DMRTB1: variants seen among roughly 807,000 people sequenced by gnomAD.
DMRTB1 encodes the protein DMRT like family B with proline rich C-terminal 1, also known as doublesex- and mab-3-related transcription factor B1.
In DMRTB1, 9 loss-of-function variants were observed where a neutral mutation model predicts 25.2. The ratio of observed to expected loss-of-function variants is 0.36; its 90% confidence interval spans 0.22 to 0.62. DMRTB1 has a LOEUF of 0.62. Ranked by LOEUF, DMRTB1 falls within the 20% of genes least tolerant of loss-of-function variation. The pLI, the probability that DMRTB1 is intolerant of heterozygous loss-of-function variation, is 0.71. For synonymous variants in DMRTB1, 269 were observed against 238.1 expected (o/e 1.13, Z -1.20); for missense variants, 551 against 499.3 (o/e 1.10, Z -0.99).
intron 1 of DMRTB1, among the ~76,000 whole-genome samples, chr1:53,461,077 C>G (rs78219319): frequency 0.051 from 7,718 of 152,262 alleles, 255 homozygotes; most frequent in Non-Finnish European, 0.076. Flanking sequence ...CCCTCAAGGA[C>G]CTTGTCCTTG....
At chr1:53,463,358 G>C (rs568500865) in intron 2 of DMRTB1, among the ~76,000 whole-genome samples, 1 of 152,148 alleles carries the variant, frequency 6.6e-6, no homozygotes, top group Non-Finnish European at 1.5e-5. Context: ...GGCCCTGGAG[G>C]TGGGCAGACC....
chr1:53,462,314 A>C (rs1411809318), intron 2 of DMRTB1, among the ~76,000 whole-genome samples: 3 of 152,122 alleles, frequency 2.0e-5, no homozygotes, highest in Non-Finnish European at 4.4e-5. Flanking sequence ...TATGGCCTTG[A>C]TTACCAGCTC....
chr1:53,464,492 C>T, intron 2 of DMRTB1, 145 bp from the exon 3 acceptor site: 3 of 1,307,010 alleles, frequency 2.3e-6, no homozygotes, highest in South Asian at 1.2e-5. Context: ...TGAATGCCCC[C>T]TTCCAAATGC....
intron 2 of DMRTB1, among the ~76,000 whole-genome samples, chr1:53,462,644 G>T (rs537975731): frequency 5.3e-5 from 8 of 152,326 alleles, no homozygotes; most frequent in Admixed American, 3.3e-4. Context: ...AGAAAAAAAG[G>T]CTCAGAGAAG....
At chr1:53,460,765 T>A (rs1252310855) in intron 1 of DMRTB1, among the ~76,000 whole-genome samples, 1 of 152,140 alleles carries the variant, frequency 6.6e-6, no homozygotes, top group Non-Finnish European at 1.5e-5. Context: ...TCCTGGTGTC[T>A]CCCCCGTGGT....
At chr1:53,462,743 A>G (rs1324828326) in intron 2 of DMRTB1, among the ~76,000 whole-genome samples, 1 of 152,180 alleles carries the variant, frequency 6.6e-6, no homozygotes, top group Non-Finnish European at 1.5e-5. Context: ...CGGGTCGTGC[A>G]CCTCAGTCGC....
chr1:53,464,604 C>T (rs1391776983), intron 2 of DMRTB1, 33 bp from the exon 3 acceptor site: 1 of 1,612,102 alleles, frequency 6.2e-7, no homozygotes, highest in Admixed American at 1.7e-5. Context: ...AACTCTCTCT[C>T]CTCTCCGCCT....
At chr1:53,464,559 G>C in intron 2 of DMRTB1, 78 bp from the exon 3 acceptor site, 1 of 1,608,622 alleles carries the variant, frequency 6.2e-7, no homozygotes, top group Non-Finnish European at 8.5e-7. Flanking sequence ...CCCCACTTCA[G>C]GGGTGAGAGC....
intron 2 of DMRTB1, among the ~76,000 whole-genome samples, chr1:53,461,870 C>T (rs1184055340): frequency 6.6e-6 from 1 of 152,212 alleles, no homozygotes; most frequent in African/African-American, 2.4e-5. Context: ...ATGGCCTGTG[C>T]TTTTCAGGGC....
Position 53,461,719 on chromosome 1 carries a change from C to T in DMRTB1, c.750+74C>T, listed in dbSNP as rs1644024093. The T allele has an allele frequency of 2.7e-6, 4 of 1,468,016 alleles. No individual in the cohort carries two copies. In the South Asian group the frequency reaches 4.2e-5, roughly 15 times the overall value. 90.9% of individuals were successfully genotyped at this position (1,468,016 alleles called of 1,614,324 possible). On this transcript the variant is annotated intron_variant, in intron 2 of 3. Coordinates refer to ENST00000371445, the MANE Select transcript of DMRTB1 (RefSeq NM_033067.3). ...CCTGCTGCCTTGATGGATCCTCAGT[C>T]CCAGGAAGCCAGCTGTCATAAACTG...
Position 53,459,957 on chromosome 1 carries a change from C to T in DMRTB1, c.504C>T (p.Gly168=), listed in dbSNP as rs561891092. 440 of 1,575,728 alleles carry T rather than the reference C, an allele frequency of 2.8e-4. 1 individual carries two copies. The East Asian group carries it at 8.5e-3, about 30-fold the overall frequency. The part of the protein sequence containing the change: ...AGPPFGAEAA[G]SGYPGPLDLR... ...CCCCTTTTGGGGCGGAGGCCGCAGG[C>T]AGTGGCTACCCTGGCCCCCTAGACC... Residue 168 remains glycine, a synonymous_variant, in exon 1 of 4, where the codon GGC becomes GGT. Transcript: ENST00000371445.
In DMRTB1 at chr1:53,466,830, T is replaced by C. The variant is rs1557924337; in HGVS notation, c.*168T>C. ...AAGGAGAGCAATTTCTAAGTTTCAA[T>C]CCTGCGCTGTACAGTTGAAGAAGAG... On this transcript the variant is annotated 3_prime_UTR_variant, in exon 4 of 4. Transcript: ENST00000371445. 1 of 695,224 alleles carries C rather than the reference T, an allele frequency of 1.4e-6. No individual in the cohort carries two copies. Among genetic ancestry groups the C allele is most frequent in the Non-Finnish European group, 2.5e-6 (1 of 405,042 alleles). 43.1% of individuals were successfully genotyped at this position (695,224 alleles called of 1,614,324 possible).
intron 3 of DMRTB1, 96 bp downstream of exon 3, chr1:53,464,943 A>G: frequency 6.5e-7 from 1 of 1,535,228 alleles, no homozygotes; most frequent in South Asian, 1.1e-5. Flanking sequence ...TGTGGAGAGA[A>G]GGGACATGGA....
Position 53,459,589 on chromosome 1 carries a change from C to A in DMRTB1, c.136C>A (p.Arg46Ser), listed in dbSNP as rs756646472. The A allele has an allele frequency of 1.9e-6, 3 of 1,600,878 alleles. No homozygotes were observed. Among genetic ancestry groups the A allele is most frequent in the African/African-American group, 1.3e-5 (1 of 74,710 alleles). ...LCEKCYLISE[R>S]QKIMAAQKVL... is the part of the protein sequence containing the mutation. Reference sequence around the variant, plus strand: ...CGAGAAGTGCTACCTGATCTCCGAGCGCCAGAAGATCATGGCCGCGCAGAA... The same window carrying A: ...CGAGAAGTGCTACCTGATCTCCGAGAGCCAGAAGATCATGGCCGCGCAGAA... The change falls in exon 1 of 4, where the codon CGC (arginine) becomes AGC (serine). Residue 46 changes from arginine to serine, a missense_variant. Transcript: ENST00000371445.
Position 53,460,031 on chromosome 1 carries a change from G to A in DMRTB1, c.577+1G>A. On this transcript the variant is annotated splice_donor_variant, in intron 1 of 3. Coordinates refer to ENST00000371445, the MANE Select transcript of DMRTB1 (RefSeq NM_033067.3). LOFTEE classifies it high-confidence loss of function. ...CCCGGCCCACTGTTCACCGACTTTG[G>A]TAAGTCGTGGCCTTGGTCCCGCGGT... 1 of 1,571,404 alleles carries A rather than the reference G, an allele frequency of 6.4e-7. No homozygotes were observed. The highest frequency in any genetic ancestry group is 1.4e-5 in the African/African-American group (1 of 72,920).
At chr1:53,463,975 G>A (rs1180450431) in intron 2 of DMRTB1, among the ~76,000 whole-genome samples, 4 of 152,176 alleles carry the variant, frequency 2.6e-5, no homozygotes, top group Admixed American at 2.0e-4. Flanking sequence ...CCTTGAAGAA[G>A]GGACAGAAGC....
chr1:53,460,051 C>A, intron 1 of DMRTB1, 21 bp downstream of exon 1: 2 of 1,541,700 alleles, frequency 1.3e-6, no homozygotes, highest in East Asian at 2.5e-5. Context: ...GCCTTGGTCC[C>A]GCGGTCGACT....
intron 3 of DMRTB1, among the ~76,000 whole-genome samples, chr1:53,465,681 C>T (rs202246256): frequency 6.4e-5 from 4 of 62,094 alleles, no homozygotes; most frequent in Admixed American, 4.7e-4. Flanking sequence ...TTGCACACTT[C>T]CTGTGTGTGC....
chr1:53,460,129 T>A, intron 1 of DMRTB1, 99 bp downstream of exon 1: 1 of 1,391,886 alleles, frequency 7.2e-7, no homozygotes. Flanking sequence ...GGAGAGAAGT[T>A]TTTCCACGGG....
Sources: gnomAD v4.1 joint callset for allele counts (sites outside exome capture counted in the v4.1 genomes callset) on GRCh38, gnomAD v4.1.1 for gene constraint, MANE v1.5 for transcripts, NCBI Gene and HGNC (gene_info 2026-07-23, HGNC 2026-07-21) for gene names.